Variants in ST6GAL2 observed in about 807,000 individuals in gnomAD.
ST6GAL2 encodes the protein ST6 beta-galactoside alpha-2,6-sialyltransferase 2.
In ST6GAL2, 24 loss-of-function variants were observed where a neutral mutation model predicts 37.5. The ratio of observed to expected loss-of-function variants is 0.64; its 90% CI spans 0.46 to 0.90. ST6GAL2 has a LOEUF of 0.90. Ranked by LOEUF, ST6GAL2 falls within the 40% of genes least tolerant of loss-of-function variation. ST6GAL2 has a pLI of 0.00. For missense variants in ST6GAL2, 715 were observed against 712.7 expected (o/e 1.00, Z -0.04); for synonymous variants, 306 against 295.1 (o/e 1.04, Z -0.38).
chr2:106,877,686 G>A (rs1678564148), intron 1 of ST6GAL2, among the ~76,000 whole-genome samples: 2 of 152,208 alleles, frequency 1.3e-5, no homozygotes, highest in South Asian at 4.1e-4. Context: ...ATAAACAAGA[G>A]TGCTCAAATA....
intron 1 of ST6GAL2, among the ~76,000 whole-genome samples, chr2:106,851,291 T>A (rs1677349759): frequency 6.6e-6 from 1 of 152,224 alleles, no homozygotes; most frequent in South Asian, 2.1e-4. Context: ...GAAATCACGG[T>A]GATTGTTCCA....
At chr2:106,829,000 C>T (rs1021770388) in intron 5 of ST6GAL2, among the ~76,000 whole-genome samples, 1 of 152,176 alleles carries the variant, frequency 6.6e-6, no homozygotes, top group Non-Finnish European at 1.5e-5. Context: ...ATGGCATACT[C>T]TTCGGTTAAG....
At chr2:106,845,090 CAATA>C (rs1269475966) in intron 1 of ST6GAL2, among the ~76,000 whole-genome samples, 2 of 152,134 alleles carry the variant, frequency 1.3e-5, no homozygotes, top group Admixed American at 6.5e-5. Context: ...GGCAGATATT[CAATA>C]AATATTGGCT....
At chr2:106,838,233 T>C (rs1676727423) in intron 2 of ST6GAL2, among the ~76,000 whole-genome samples, 1 of 152,198 alleles carries the variant, frequency 6.6e-6, no homozygotes, top group East Asian at 1.9e-4. Context: ...TGTGTTGTCC[T>C]TGAGAATGGA....
chr2:106,845,769 G>A (rs780546176), intron 1 of ST6GAL2, among the ~76,000 whole-genome samples: 1 of 152,158 alleles, frequency 6.6e-6, no homozygotes, highest in Non-Finnish European at 1.5e-5. Context: ...TCCACCCAGA[G>A]AGAGGCAGAT....
intron 2 of ST6GAL2, among the ~76,000 whole-genome samples, chr2:106,841,613 G>A (rs1255608506): frequency 6.6e-6 from 1 of 152,156 alleles, no homozygotes; most frequent in Non-Finnish European, 1.5e-5. Flanking sequence ...CGGGAGCAAA[G>A]GGATCTGAAA....
intron 1 of ST6GAL2, among the ~76,000 whole-genome samples, chr2:106,856,618 T>C (rs1053097718): frequency 3.3e-5 from 5 of 152,204 alleles, no homozygotes; most frequent in Admixed American, 3.3e-4. Flanking sequence ...CATCCTATGA[T>C]TGAGGAGCTA....
chr2:106,856,119 A>T (rs754154011), intron 1 of ST6GAL2, among the ~76,000 whole-genome samples: 1 of 152,216 alleles, frequency 6.6e-6, no homozygotes, highest in Non-Finnish European at 1.5e-5. Flanking sequence ...TCATAGAATA[A>T]CATATTTTAA....
At position 106,843,538 on chromosome 2, in the gene ST6GAL2, G is replaced by A. The variant is rs1677009735; in HGVS notation, c.440C>T (p.Thr147Ile). The A allele has an allele frequency of 6.2e-7, 1 of 1,613,912 alleles. No individual in the cohort carries two copies. Among genetic ancestry groups the A allele is most frequent in the African/African-American group, 1.3e-5 (1 of 74,936 alleles). ...CTCCCCGGGGGAAGGGAATCCCAAT[G>A]TCCCCTGAGTGTGGCTGTGCCACCC... ...QPGWHSHTQGTLGFPSPGEPG... is the reference protein window; with the variant it reads ...QPGWHSHTQGILGFPSPGEPG... The change falls in exon 2 of 6, where the codon ACA (threonine) becomes ATA (isoleucine). Residue 147 changes from threonine to isoleucine, a missense_variant. Around this residue, in one of 3 missense-constraint regions of ST6GAL2, gnomAD observed 512 missense variants for 488.8 expected, o/e 1.05. Coordinates refer to ENST00000409382, the MANE Select transcript of ST6GAL2 (RefSeq NM_001142351.2).
chr2:106,832,803 G>A, intron 3 of ST6GAL2, 137 bp from the exon 4 acceptor site: 2 of 688,406 alleles, frequency 2.9e-6, no homozygotes, highest in Non-Finnish European at 2.6e-6. Context: ...CTGGGGGAGG[G>A]AGAGAGGCAG....
intron 1 of ST6GAL2, among the ~76,000 whole-genome samples, chr2:106,884,985 C>CAT (rs1341303317): frequency 7.2e-6 from 1 of 138,298 alleles, no homozygotes. Context: ...ACATATACAT[C>CAT]ATATATATAT....
At chr2:106,818,833 T>C (rs1675898804) in intron 5 of ST6GAL2, among the ~76,000 whole-genome samples, 1 of 151,452 alleles carries the variant, frequency 6.6e-6, no homozygotes. Flanking sequence ...CTCAGTGAAA[T>C]TCAAGATAAC....
At chr2:106,869,999 G>A (rs982103375) in intron 1 of ST6GAL2, among the ~76,000 whole-genome samples, 8 of 152,166 alleles carry the variant, frequency 5.3e-5, no homozygotes, top group Non-Finnish European at 1.5e-5. Flanking sequence ...TGGTGTGACG[G>A]ACCAACACAA....
In ST6GAL2 at chr2:106,830,201, T is replaced by C; in HGVS notation, c.1183A>G (p.Ile395Val). Reference protein sequence around the residue: ...KPDYNLFTPYIQHRQRNPNQP... With the variant: ...KPDYNLFTPYVQHRQRNPNQP... ...TTTGGGTTTCTCTGACGATGCTGAA[T>C]ATATGGAGTGAACAGGTTGTAATCC... is the stretch of plus-strand genomic sequence containing the variant. Residue 395 changes from isoleucine (I) to valine (V), a missense_variant, in exon 5 of 6, where the codon ATT becomes GTT. This residue lies in a region of ST6GAL2 where 198 missense variants were observed against 203.6 expected (regional missense o/e 0.97). Transcript: ENST00000409382. 6.2e-7 allele frequency: 1 copy of C among 1,613,550 alleles called. No homozygotes were observed. Among genetic ancestry groups the C allele is most frequent in the Non-Finnish European group, 8.5e-7 (1 of 1,179,996 alleles).
intron 1 of ST6GAL2, among the ~76,000 whole-genome samples, chr2:106,875,174 C>CTTTTTTTTTTTT (rs11330010): frequency 2.3e-5 from 3 of 128,946 alleles, no homozygotes; most frequent in Non-Finnish European, 3.3e-5. Flanking sequence ...TTTTTTGTTT[C>CTTTTTTTTTTTT]TTTTTTTTTT....
At position 106,845,419 on chromosome 2, in the gene ST6GAL2, G is replaced by A. The variant is rs1677104000; in HGVS notation, c.-57-1385C>T. 1.3e-5 allele frequency among the ~76,000 whole-genome samples: 2 copies of A among 152,158 alleles called. 1 individual carries two copies. Among genetic ancestry groups the A allele is most frequent in the South Asian group, 4.1e-4 (2 of 4,826 alleles). On this transcript the variant is annotated intron_variant, in intron 1 of 5. Transcript: ENST00000409382. The stretch of plus-strand genomic sequence containing the variant: ...GAGAAGAGTGCAGGGAGGCAACACA[G>A]ACTGCAAGGAAGTCGTTAGTAGAAA...
chr2:106,886,419 G>C (rs1678998585), upstream of ST6GAL2: 1 of 152,124 alleles, frequency 6.6e-6, no homozygotes, highest in Admixed American at 6.5e-5. Context: ...GCGGCCTGCG[G>C]GATCACCTCT....
At chr2:106,859,520 C>T (rs1454846134) in intron 1 of ST6GAL2, among the ~76,000 whole-genome samples, 2 of 152,152 alleles carry the variant, frequency 1.3e-5, no homozygotes, top group Non-Finnish European at 2.9e-5. Flanking sequence ...CTTAGTCTTC[C>T]CCATCCCGTA....
chr2:106,818,204 C>A (rs184304461), intron 5 of ST6GAL2, among the ~76,000 whole-genome samples: 9 of 152,224 alleles, frequency 5.9e-5, no homozygotes, highest in Non-Finnish European at 1.2e-4. Context: ...ATTGTAGAGC[C>A]CTAGGACATT....
Sources: allele counts gnomAD v4.1 joint callset (sites outside exome capture counted in the v4.1 genomes callset), GRCh38; gene constraint gnomAD v4.1.1; regional missense constraint gnomAD v4.1.1; transcripts MANE v1.5; gene names NCBI Gene and HGNC (gene_info 2026-07-23, HGNC 2026-07-21).